The following ACTR3C variants were observed in gnomAD, a reference collection of about 807,000 sequenced individuals.
ACTR3C encodes the protein actin-related protein 3C.
ACTR3C carries 18 observed loss-of-function variants against 26.3 expected under a neutral mutation model. The observed-to-expected ratio is 0.68, with a 90% CI of 0.47 to 1.01. ACTR3C has a LOEUF of 1.01. Among genes scored for constraint, ACTR3C ranks in the 50% least tolerant of loss-of-function variants. The pLI is 0.00. For synonymous variants in ACTR3C, 55 were observed against 94.5 expected (o/e 0.58, Z 2.42); for missense variants, 184 against 250.7 (o/e 0.73, Z 1.80).
At chr7:149,898,851 A>G in the ACTR3C span, among the ~76,000 whole-genome samples, 1 of 152,184 alleles carries the variant, frequency 6.6e-6, no homozygotes, top group Non-Finnish European at 1.5e-5. Flanking sequence ...CTTATATTCC[A>G]AATATTTTGT....
At chr7:150,251,163 A>G (rs1286242088) in intron 6 of ACTR3C, among the ~76,000 whole-genome samples, 1 of 152,240 alleles carries the variant, frequency 6.6e-6, no homozygotes, top group Non-Finnish European at 1.5e-5. Context: ...GATCAGCATC[A>G]GATCTAGAGC....
chr7:150,035,490 C>T, the ACTR3C span, among the ~76,000 whole-genome samples: 48 of 96,822 alleles, frequency 5.0e-4, 3 homozygotes, highest in East Asian at 9.2e-4. Flanking sequence ...CAGCCAGGGG[C>T]GGAAGAGGGG....
At chr7:149,992,363 C>T in the ACTR3C span, among the ~76,000 whole-genome samples, 1 of 152,220 alleles carries the variant, frequency 6.6e-6, no homozygotes, top group Non-Finnish European at 1.5e-5. Context: ...CCACCATGGG[C>T]ACTGGCCCGA....
intron 1 of ACTR3C, among the ~76,000 whole-genome samples, chr7:150,308,313 C>G (rs1257673211): frequency 2.0e-5 from 3 of 152,136 alleles, no homozygotes; most frequent in Non-Finnish European, 4.4e-5. Flanking sequence ...CTCTTAAACT[C>G]TCACCTGACC....
At chr7:150,023,782 G>A in the ACTR3C span, among the ~76,000 whole-genome samples, 2 of 147,656 alleles carry the variant, frequency 1.4e-5, no homozygotes, top group East Asian at 2.1e-4. Context: ...GTAAAGGTAA[G>A]TATGGAAAAG....
the ACTR3C span, among the ~76,000 whole-genome samples, chr7:150,211,859 A>T: frequency 6.8e-6 from 1 of 147,978 alleles, no homozygotes; most frequent in Non-Finnish European, 1.5e-5. Flanking sequence ...GGCCCCAGTG[A>T]ATTGTCAGCT....
At chr7:150,069,129 T>C in the ACTR3C span, among the ~76,000 whole-genome samples, 1 of 152,254 alleles carries the variant, frequency 6.6e-6, no homozygotes, top group Middle Eastern at 3.2e-3. Flanking sequence ...TATTTCAAGA[T>C]ATCTGCAATT....
chr7:150,163,384 ATG>A, the ACTR3C span, among the ~76,000 whole-genome samples: 38,272 of 148,442 alleles, frequency 0.26, 5,979 homozygotes, highest in African/African-American at 0.43. Flanking sequence ...ATATGTGTGT[ATG>A]TGTGTGTGTG....
At chr7:150,019,470 T>C in the ACTR3C span, among the ~76,000 whole-genome samples, 4 of 149,292 alleles carry the variant, frequency 2.7e-5, no homozygotes, top group African/African-American at 1.0e-4. Context: ...TGCGTGCCTG[T>C]AGTCTCAGCT....
the ACTR3C span, among the ~76,000 whole-genome samples, chr7:150,205,738 G>A: frequency 2.0e-5 from 3 of 151,520 alleles, no homozygotes; most frequent in Admixed American, 6.6e-5. Context: ...CAGTTCTGGC[G>A]AGCTCTAACC....
At chr7:149,946,905 C>T in the ACTR3C span, among the ~76,000 whole-genome samples, 1 of 151,730 alleles carries the variant, frequency 6.6e-6, no homozygotes, top group Non-Finnish European at 1.5e-5. Context: ...TACAACACCA[C>T]GAATCAAATC....
the ACTR3C span, among the ~76,000 whole-genome samples, chr7:150,188,720 T>C: frequency 6.6e-6 from 1 of 151,918 alleles, no homozygotes. Flanking sequence ...GCTGATGGAA[T>C]TGTAGACATG....
intron 7 of ACTR3C, 198 bp downstream of exon 7, chr7:150,248,750 T>C: frequency 2.8e-6 from 1 of 362,228 alleles, no homozygotes; most frequent in Non-Finnish European, 4.9e-6. Context: ...ACCAGAAAAA[T>C]CACAAATGAA....
the ACTR3C span, among the ~76,000 whole-genome samples, chr7:150,023,347 T>A: frequency 1.4e-3 from 52 of 36,194 alleles, no homozygotes; most frequent in East Asian, 2.8e-3. Flanking sequence ...ACATATATAT[T>A]TTAGAGACAG....
At chr7:150,070,940 G>A in the ACTR3C span, among the ~76,000 whole-genome samples, 3 of 148,134 alleles carry the variant, frequency 2.0e-5, no homozygotes, top group African/African-American at 5.0e-5. Flanking sequence ...GACTACAGGC[G>A]CCCGCCACCA....
At chr7:149,916,153 T>C in the ACTR3C span, among the ~76,000 whole-genome samples, 1 of 73,948 alleles carries the variant, frequency 1.4e-5, no homozygotes, top group African/African-American at 3.4e-5. Context: ...TAATAATCCC[T>C]ACCTCAGTGT....
the ACTR3C span, among the ~76,000 whole-genome samples, chr7:150,164,748 T>A: frequency 1.3e-5 from 2 of 152,276 alleles, no homozygotes; most frequent in East Asian, 3.9e-4. Flanking sequence ...TTTCTTCTTT[T>A]TTATCATCTC....
the ACTR3C span, among the ~76,000 whole-genome samples, chr7:150,010,586 C>T: frequency 8.0e-5 from 12 of 150,924 alleles, no homozygotes; most frequent in East Asian, 2.3e-3. Context: ...GCCAGCTACT[C>T]AGGAGGCTGA....
the ACTR3C span, among the ~76,000 whole-genome samples, chr7:150,137,488 G>A: frequency 1.3e-5 from 2 of 152,162 alleles, no homozygotes; most frequent in African/African-American, 4.8e-5. Flanking sequence ...ACTTTACTCT[G>A]TTCTTTCTTT....
Sources: allele counts gnomAD v4.1 joint callset (sites outside exome capture counted in the v4.1 genomes callset), GRCh38; gene constraint gnomAD v4.1.1; transcripts MANE v1.5; gene names NCBI Gene and HGNC (gene_info 2026-07-23, HGNC 2026-07-21).